TMEM131L: variants seen among roughly 807,000 people sequenced by gnomAD.
TMEM131L encodes the protein transmembrane protein 131-like.
TMEM131L carries 54 observed loss-of-function variants against 192.2 expected under a neutral mutation model. The observed-to-expected ratio is 0.28, with a 90% CI of 0.23 to 0.35. The LOEUF (loss-of-function observed/expected upper bound fraction) is 0.35. Ranked by LOEUF, TMEM131L falls within the 10% of genes least tolerant of loss-of-function variation. The pLI, the probability that TMEM131L is intolerant of heterozygous loss-of-function variation, is 1.00. For missense variants in TMEM131L, 1,888 were observed against 1,972.9 expected, an observed-to-expected ratio of 0.96 and a Z score of 0.82; for synonymous variants, 701 against 704.9, an observed-to-expected ratio of 0.99 and a Z score of 0.09.
chr4:153,505,739 G>T (rs971400222), intron 3 of TMEM131L, among the ~76,000 whole-genome samples: 1 of 152,162 alleles, frequency 6.6e-6, no homozygotes. Context: ...ACCCCTAAAT[G>T]AGTTGAGCAG....
At chr4:153,470,117 C>T (rs1731051022) in intron 2 of TMEM131L, among the ~76,000 whole-genome samples, 1 of 151,492 alleles carries the variant, frequency 6.6e-6, no homozygotes, top group Non-Finnish European at 1.5e-5. Flanking sequence ...TTGTTGTAAA[C>T]TGTCAGAACC....
intron 31 of TMEM131L, among the ~76,000 whole-genome samples, chr4:153,631,572 C>A (rs1266947564): frequency 2.0e-5 from 3 of 152,140 alleles, no homozygotes; most frequent in African/African-American, 7.2e-5. Context: ...GCCCTTTGCT[C>A]CAGAAAGAGA....
At chr4:153,510,857 A>G (rs975748999) in intron 3 of TMEM131L, among the ~76,000 whole-genome samples, 1 of 151,996 alleles carries the variant, frequency 6.6e-6, no homozygotes, top group Non-Finnish European at 1.5e-5. Context: ...AGTGTACTCC[A>G]GCCTGGACAA....
intron 3 of TMEM131L, among the ~76,000 whole-genome samples, chr4:153,513,347 A>C (rs994846952): frequency 6.6e-6 from 1 of 152,206 alleles, no homozygotes; most frequent in African/African-American, 2.4e-5. Context: ...TAGGAGCTCT[A>C]TTCTGATTTA....
At chr4:153,636,055 CAGA>C (rs1331999233) in intron 34 of TMEM131L, among the ~76,000 whole-genome samples, 6 of 151,982 alleles carry the variant, frequency 3.9e-5, no homozygotes, top group Admixed American at 6.6e-5. Flanking sequence ...TGTTTTTTTC[CAGA>C]TAAAGGGTAT....
At chr4:153,597,731 G>A (rs529546398) in intron 20 of TMEM131L, among the ~76,000 whole-genome samples, 3 of 152,142 alleles carry the variant, frequency 2.0e-5, no homozygotes, top group East Asian at 1.9e-4. Context: ...CCAGGAGTTC[G>A]AGACCAGCCT....
intron 20 of TMEM131L, among the ~76,000 whole-genome samples, chr4:153,597,409 G>A (rs1731517051): frequency 6.6e-6 from 1 of 151,736 alleles, no homozygotes; most frequent in African/African-American, 2.4e-5. Context: ...TAAATTTTTT[G>A]TAGAAATTAA....
chr4:153,622,837 T>G, intron 28 of TMEM131L, 61 bp from the exon 29 acceptor site: 1 of 1,545,274 alleles, frequency 6.5e-7, no homozygotes, highest in Non-Finnish European at 8.9e-7. Flanking sequence ...TCTCTTTCTG[T>G]TAGAAATGCA....
chr4:153,574,777 A>T (rs1181629292), intron 7 of TMEM131L, among the ~76,000 whole-genome samples: 1 of 152,124 alleles, frequency 6.6e-6, no homozygotes, highest in African/African-American at 2.4e-5. Context: ...TACTAGAGAC[A>T]GGGTTTCACC....
intron 2 of TMEM131L, among the ~76,000 whole-genome samples, 190 bp from the exon 3 acceptor site, chr4:153,473,652 TGTG>T (rs1731313574): frequency 6.6e-6 from 1 of 152,014 alleles, no homozygotes; most frequent in African/African-American, 2.4e-5. Flanking sequence ...ATTAGCCAGG[TGTG>T]GTGGCATGTG....
chr4:153,634,239 A>G lies in TMEM131L; in HGVS notation c.4376A>G (p.Tyr1459Cys). Residue 1459 changes from tyrosine to cysteine, a missense_variant, in exon 33 of 35, where the codon TAC (tyrosine) becomes TGC (cysteine). By Grantham distance (194) the Tyr-to-Cys change is radical. Transcript: ENST00000409959. ...TGCGAAGGCCAGTTTTCCAGCGCAT[A>G]CTGTCCATTGGAATTGAACGATTAC... ...ATCEGQFSSAYCPLELNDYNA... is the reference protein window; with the variant it reads ...ATCEGQFSSACCPLELNDYNA... 3 of 1,614,182 alleles carry G rather than the reference A, an allele frequency of 1.9e-6. No homozygotes were observed. Among genetic ancestry groups the G allele is most frequent in the Non-Finnish European group, 2.5e-6 (3 of 1,179,986 alleles).
intron 12 of TMEM131L, 47 bp from the exon 13 acceptor site, chr4:153,585,411 G>C: frequency 6.3e-7 from 1 of 1,591,080 alleles, no homozygotes; most frequent in Non-Finnish European, 8.6e-7. Flanking sequence ...AGGGCTGACT[G>C]TTGTCCCACA....
chr4:153,536,602 T>G (rs2150292963), intron 3 of TMEM131L, among the ~76,000 whole-genome samples: 1 of 152,322 alleles, frequency 6.6e-6, no homozygotes, highest in Non-Finnish European at 1.5e-5. Flanking sequence ...CACATTTCAT[T>G]TAATCCTCAC....
Position 153,556,923 on chromosome 4 carries a change from A to C in TMEM131L, c.433-43A>C, listed in dbSNP as rs199773263. ...AAAGTCTGTGAAAGACAGTTTATCA[A>C]AGGAGGCCATTCCAAGTGGCTGACT... On this transcript the variant is annotated intron_variant, in intron 5 of 34. Coordinates refer to ENST00000409959, the MANE Select transcript of TMEM131L (RefSeq NM_001131007.2). 313 of 881,056 alleles carry C rather than the reference A, an allele frequency of 3.6e-4. 4 individuals are homozygous for C. Among genetic ancestry groups the C allele is most frequent in the Non-Finnish European group, 1.2e-4 (63 of 530,394 alleles). The allele number at this position is 881,056 out of a possible 1,614,324, so 54.6% of individuals were successfully genotyped here.
chr4:153,504,464 G>C (rs1733849630), intron 3 of TMEM131L, among the ~76,000 whole-genome samples: 1 of 150,748 alleles, frequency 6.6e-6, no homozygotes, highest in Non-Finnish European at 1.5e-5. Context: ...ATTTTTAGTA[G>C]AGACGGGGTT....
At chr4:153,624,221 C>G (rs917720128) in intron 29 of TMEM131L, among the ~76,000 whole-genome samples, 2 of 151,348 alleles carry the variant, frequency 1.3e-5, no homozygotes, top group African/African-American at 4.9e-5. Flanking sequence ...CGGTTTTAAG[C>G]GATTCTTGTG....
At position 153,633,430 on chromosome 4, in the gene TMEM131L, T is replaced by C. The variant is rs375258785; in HGVS notation, c.4328+592T>C. 5 of 151,266 alleles carry C rather than the reference T, an allele frequency of 3.3e-5. No homozygotes were observed. In the South Asian group the frequency reaches 1.0e-3, roughly 32 times the overall value. The allele number at this position is 151,266 out of a possible 1,614,324, so 9.4% of individuals were successfully genotyped here. A position where few individuals can be genotyped will look rare whatever the true frequency, so the allele number is the denominator to read the frequency against. On this transcript the variant is annotated intron_variant, in intron 32 of 34. Transcript: ENST00000409959. Reference sequence around the variant, plus strand: ...TTTTTGTAGAGACAGGATCTTGCTTTGTTGCCTAGGCTGCTCTTGAACTCT... The same window carrying C: ...TTTTTGTAGAGACAGGATCTTGCTTCGTTGCCTAGGCTGCTCTTGAACTCT...
chr4:153,483,527 T>A (rs2149811888), intron 3 of TMEM131L, among the ~76,000 whole-genome samples: 1 of 152,020 alleles, frequency 6.6e-6, no homozygotes, highest in South Asian at 2.1e-4. Flanking sequence ...TGAGACCCTG[T>A]CTCTACAAAA....
intron 3 of TMEM131L, among the ~76,000 whole-genome samples, chr4:153,510,616 G>C (rs919375470): frequency 6.6e-6 from 1 of 152,202 alleles, no homozygotes; most frequent in Admixed American, 6.5e-5. Context: ...GGTGGCTCAT[G>C]CCTGTAATCC....
Sources: allele counts gnomAD v4.1 joint callset (sites outside exome capture counted in the v4.1 genomes callset), GRCh38; gene constraint gnomAD v4.1.1; transcripts MANE v1.5; gene names NCBI Gene and HGNC (gene_info 2026-07-23, HGNC 2026-07-21).